The following TAB3 variants were observed in gnomAD, a reference collection of about 807,000 sequenced individuals.
TAB3 encodes the protein TGF-beta activated kinase 1 (MAP3K7) binding protein 3, also known as TGF-beta-activated kinase 1 and MAP3K7-binding protein 3.
Under a neutral mutation model 48.1 loss-of-function variants are expected in TAB3, and 18 were observed. That is an observed-to-expected ratio of 0.37 (90% CI 0.26 to 0.55). The LOEUF is 0.55. Among genes scored for constraint, TAB3 ranks in the 20% least tolerant of loss-of-function variants. TAB3 has a pLI of 0.78. For missense variants in TAB3, 414 were observed against 549.8 expected, an observed-to-expected ratio of 0.75 and a Z score of 2.47; for synonymous variants, 185 against 190.2, an observed-to-expected ratio of 0.97 and a Z score of 0.22.
Position 30,843,015 on chromosome X carries a change from AT to A in TAB3, c.1838del (p.Tyr613LeufsTer4). On this transcript the variant is annotated frameshift_variant, in exon 9 of 11. Transcript: ENST00000288422. LOFTEE classifies it high-confidence loss of function. The part of the protein sequence containing the change: ...NFDPKAMNNF[Y>X]DNIEPGPVVP... ...CAACTGGGCCAGGTTCTATGTTGTCATAAAAATTATTCATGGCTTTTGGATC... is the reference window on the plus strand; with the variant it reads ...CAACTGGGCCAGGTTCTATGTTGTCAAAAAATTATTCATGGCTTTTGGATC... The A allele has an allele frequency of 1.7e-6, 2 of 1,182,777 alleles. No homozygotes were observed. The highest frequency in any genetic ancestry group is 2.3e-6 in the Non-Finnish European group (2 of 877,983).
At chrX:30,852,388 ATAAT>A (rs1243485389) in intron 7 of TAB3, among the ~76,000 whole-genome samples, 2 of 112,132 alleles carry the variant, frequency 1.8e-5, no homozygotes, top group East Asian at 2.8e-4. Flanking sequence ...ACTTACAAAA[ATAAT>A]TAATTTTAAA....
intron 8 of TAB3, chrX:30,845,907 G>A (rs982777985): frequency 2.0e-5 from 17 of 854,458 alleles, no homozygotes; most frequent in African/African-American, 8.7e-5. Flanking sequence ...CAATTCAACC[G>A]ATGGGAGCAA....
intron 4 of TAB3, among the ~76,000 whole-genome samples, chrX:30,861,401 G>A (rs1939247928): frequency 9.2e-6 from 1 of 108,625 alleles, no homozygotes; most frequent in Admixed American, 9.9e-5. Context: ...GGGGAGTGGA[G>A]TCACCTATAT....
chrX:30,857,306 A>G (rs989045382), intron 5 of TAB3, among the ~76,000 whole-genome samples: 2 of 111,922 alleles, frequency 1.8e-5, no homozygotes, highest in African/African-American at 6.5e-5. Flanking sequence ...TTGCTTGAAA[A>G]TCGTATTGAG....
intron 1 of TAB3, among the ~76,000 whole-genome samples, chrX:30,873,244 A>G (rs1939713204): frequency 8.9e-6 from 1 of 112,471 alleles, no homozygotes; most frequent in Admixed American, 9.4e-5. Flanking sequence ...TTTCAATAAA[A>G]TAAAAAGTTA....
At chrX:30,870,410 C>T (rs1240330189) in intron 2 of TAB3, among the ~76,000 whole-genome samples, 1 of 111,941 alleles carries the variant, frequency 8.9e-6, no homozygotes, top group African/African-American at 3.3e-5. Flanking sequence ...ATTGCCCACT[C>T]ATTTAATAAA....
At chrX:30,856,477 G>C (rs1414015343) in intron 5 of TAB3, among the ~76,000 whole-genome samples, 1 of 111,852 alleles carries the variant, frequency 8.9e-6, no homozygotes, top group Non-Finnish European at 1.9e-5. Flanking sequence ...TTATCATAAA[G>C]CAGTTCTCTA....
chrX:30,877,238 G>A (rs1048604344), intron 1 of TAB3, among the ~76,000 whole-genome samples: 4 of 111,813 alleles, frequency 3.6e-5, no homozygotes, highest in African/African-American at 1.3e-4. Context: ...TTCCACTGAG[G>A]AGAAAATATC....
In TAB3 at chrX:30,830,912, G is replaced by GCCCCCC. The variant is rs34578092; in HGVS notation, c.*509_*514dup. On this transcript the variant is annotated 3_prime_UTR_variant, in exon 11 of 11. Coordinates refer to ENST00000288422, the MANE Select transcript of TAB3 (RefSeq NM_152787.5). ...AATTACAAATACCCTTAATTAATTT[G>GCCCCCC]CCCCCCCCCCCCAAATATTCTAGGT... The GCCCCCC allele has an allele frequency of 2.3e-5, 1 of 43,629 alleles. No homozygotes were observed. Among genetic ancestry groups the GCCCCCC allele is most frequent in the Non-Finnish European group, 4.1e-5 (1 of 24,154 alleles). 3.6% of individuals were successfully genotyped at this position (43,629 alleles called of 1,213,427 possible).
intron 8 of TAB3, chrX:30,843,769 C>T (rs904808540): frequency 9.0e-6 from 1 of 111,015 alleles, no homozygotes; most frequent in Non-Finnish European, 1.9e-5. Flanking sequence ...ATGTTCATTC[C>T]CTGGTCTAGT....
intron 1 of TAB3, among the ~76,000 whole-genome samples, chrX:30,874,017 A>G (rs2073495192): frequency 9.0e-6 from 1 of 110,999 alleles, no homozygotes; most frequent in African/African-American, 3.3e-5. Flanking sequence ...CCACAAAACA[A>G]TATAAAAAAG....
At chrX:30,869,009 C>T (rs778095002) in intron 2 of TAB3, among the ~76,000 whole-genome samples, 3 of 109,049 alleles carry the variant, frequency 2.8e-5, no homozygotes, top group Non-Finnish European at 5.7e-5. Flanking sequence ...GCTGTTTCTA[C>T]CATGTGTAAT....
At chrX:30,866,977 GGA>G (rs1160326257) in intron 4 of TAB3, 136 bp downstream of exon 4, 2 of 110,713 alleles carry the variant, frequency 1.8e-5, no homozygotes, top group Non-Finnish European at 3.8e-5. Flanking sequence ...TTGATAGTAT[GGA>G]CTGTTTGTAT....
In TAB3 at chrX:30,854,378, A is replaced by C; in HGVS notation, c.1287T>G (p.Ile429Met). 8.3e-7 allele frequency: 1 copy of C among 1,210,295 alleles called. No homozygotes were observed. Among genetic ancestry groups the C allele is most frequent in the Non-Finnish European group, 1.1e-6 (1 of 894,081 alleles). ...KPPFSVNPVYITYTQPTGPSC... is the reference protein window; with the variant it reads ...KPPFSVNPVYMTYTQPTGPSC... Reference sequence around the variant, plus strand: ...AAGGTCCAGTTGGCTGTGTATATGTAATATACACAGGATTAACACTAAATG... The same window carrying C: ...AAGGTCCAGTTGGCTGTGTATATGTCATATACACAGGATTAACACTAAATG... Residue 429 changes from isoleucine (I) to methionine (M), a missense_variant, in exon 6 of 11, where the codon ATT becomes ATG. Transcript: ENST00000288422.
Position 30,830,201 on chromosome X carries a change from T to A in TAB3, c.*1226A>T, listed in dbSNP as rs1156356158. 8.9e-6 allele frequency: 1 copy of A among 112,147 alleles called. No individual in the cohort carries two copies. Among genetic ancestry groups the A allele is most frequent in the African/African-American group, 3.2e-5 (1 of 30,794 alleles). The allele number at this position is 112,147 out of a possible 1,213,427, so 9.2% of individuals were successfully genotyped here. A position where few individuals can be genotyped will look rare whatever the true frequency, so the allele number is the denominator to read the frequency against. ...AATTGACCTCTAGATACAGTTATGT[T>A]AAATTTTAAAAGTTGTTTCAAAGTC... is the stretch of plus-strand genomic sequence containing the variant. On this transcript the variant is annotated 3_prime_UTR_variant, in exon 11 of 11. Transcript: ENST00000288422.
At chrX:30,884,361 G>T (rs1001598110) in intron 1 of TAB3, among the ~76,000 whole-genome samples, 4 of 111,399 alleles carry the variant, frequency 3.6e-5, no homozygotes, top group Non-Finnish European at 7.5e-5. Context: ...TTTAATCCTT[G>T]TATGAGGTAG....
intron 1 of TAB3, among the ~76,000 whole-genome samples, chrX:30,878,142 T>A (rs746029224): frequency 9.0e-6 from 1 of 111,536 alleles, no homozygotes; most frequent in Admixed American, 9.5e-5. Flanking sequence ...AAAGCAAAGG[T>A]TGACAAAACT....
At chrX:30,868,340 T>TATATATATATATA (rs1555944072) in intron 2 of TAB3, among the ~76,000 whole-genome samples, 1 of 5,953 alleles carries the variant, frequency 1.7e-4, no homozygotes, top group African/African-American at 9.1e-4. Context: ...ATATAAGCTT[T>TATATATATATATA]TATATATATA....
rs189058888 is a variant in TAB3 at position 30,842,026 on chromosome X, C to G, written c.1888+940G>C. Among the ~76,000 whole-genome samples the G allele has an allele frequency of 1.1e-3, 121 of 112,383 alleles. 1 individual carries two copies. Among genetic ancestry groups the G allele is most frequent in the African/African-American group, 3.7e-3 (115 of 30,975 alleles). ...GTTTTGCCATGTTGGCCAGGCTAGT[C>G]TCGAACTCCTGGCCTCATGTGATCC... On this transcript the variant is annotated intron_variant, in intron 9 of 10. Transcript: ENST00000288422.
Sources: allele counts gnomAD v4.1 joint callset (sites outside exome capture counted in the v4.1 genomes callset), GRCh38; gene constraint gnomAD v4.1.1; transcripts MANE v1.5; gene names NCBI Gene and HGNC (gene_info 2026-07-23, HGNC 2026-07-21).